Variants in KCNIP4 observed in about 807,000 individuals in gnomAD.
The protein encoded by KCNIP4 is potassium voltage-gated channel interacting protein 4.
Under a neutral mutation model 34.0 loss-of-function variants are expected in KCNIP4, and 12 were observed. The ratio of observed to expected loss-of-function variants is 0.35; its 90% CI spans 0.23 to 0.57. The LOEUF is 0.57. KCNIP4 is among the 20% of genes least tolerant of loss of function. The pLI is 0.83. For missense variants in KCNIP4, 238 were observed against 311.7 expected, an observed-to-expected ratio of 0.76 and a Z score of 1.78; for synonymous variants, 124 against 102.2, an observed-to-expected ratio of 1.21 and a Z score of -1.29.
chr4:21,531,541 AAT>A (rs1036843944), intron 1 of KCNIP4, among the ~76,000 whole-genome samples: 2 of 151,740 alleles, frequency 1.3e-5, no homozygotes, highest in African/African-American at 4.8e-5. Context: ...ATGCCTGGCT[AAT>A]TTTTGTATTT....
chr4:21,102,385 T>C (rs181090173), intron 1 of KCNIP4, among the ~76,000 whole-genome samples: 55 of 152,258 alleles, frequency 3.6e-4, no homozygotes, highest in Middle Eastern at 3.4e-3. Context: ...CAATGGGGCA[T>C]TGGCTGTGAG....
intron 1 of KCNIP4, among the ~76,000 whole-genome samples, chr4:21,479,353 T>A (rs1010639958): frequency 6.6e-6 from 1 of 152,230 alleles, no homozygotes; most frequent in Admixed American, 6.5e-5. Context: ...ACTGGCCATT[T>A]ATTTGCATAA....
intron 1 of KCNIP4, among the ~76,000 whole-genome samples, chr4:21,196,519 A>C (rs1174064428): frequency 6.6e-6 from 1 of 152,124 alleles, no homozygotes; most frequent in Non-Finnish European, 1.5e-5. Context: ...CTTACTTTCG[A>C]GGATATCTTC....
At chr4:21,716,258 A>G (rs1714368819) in intron 1 of KCNIP4, among the ~76,000 whole-genome samples, 1 of 151,944 alleles carries the variant, frequency 6.6e-6, no homozygotes, top group South Asian at 2.1e-4. Flanking sequence ...TATTTTTGAG[A>G]TAGAGTCTTG....
chr4:20,971,347 A>G (rs1577461253), intron 1 of KCNIP4, among the ~76,000 whole-genome samples: 1 of 152,198 alleles, frequency 6.6e-6, no homozygotes, highest in Non-Finnish European at 1.5e-5. Flanking sequence ...AAGGACAAGT[A>G]TATTGATTTA....
chr4:21,226,161 C>T (rs1053885539), intron 1 of KCNIP4, among the ~76,000 whole-genome samples: 2 of 144,860 alleles, frequency 1.4e-5, no homozygotes, highest in African/African-American at 2.5e-5. Flanking sequence ...AATTCAGTAT[C>T]TTCATTTTGG....
intron 1 of KCNIP4, among the ~76,000 whole-genome samples, chr4:20,949,432 T>C (rs908583399): frequency 2.6e-5 from 4 of 152,170 alleles, no homozygotes; most frequent in African/African-American, 9.7e-5. Context: ...AGTTCAACCA[T>C]TGTGGAAGTC....
intron 1 of KCNIP4, among the ~76,000 whole-genome samples, chr4:21,668,504 A>G (rs1047758189): frequency 6.6e-6 from 1 of 152,216 alleles, no homozygotes; most frequent in Non-Finnish European, 1.5e-5. Context: ...TAAAACTGAA[A>G]TTAGAACTAA....
chr4:21,533,087 C>G (rs929487054), intron 1 of KCNIP4, among the ~76,000 whole-genome samples: 4 of 151,456 alleles, frequency 2.6e-5, no homozygotes, highest in African/African-American at 9.7e-5. Flanking sequence ...CTATATAGTA[C>G]CTGCTTCCAA....
chr4:20,935,479 A>G (rs1468304780), intron 1 of KCNIP4, among the ~76,000 whole-genome samples: 7 of 152,174 alleles, frequency 4.6e-5, no homozygotes, highest in Admixed American at 2.0e-4. Flanking sequence ...CCTACCTCTT[A>G]GAAATGTATC....
At chr4:21,550,780 G>T (rs965394190) in intron 1 of KCNIP4, among the ~76,000 whole-genome samples, 3 of 152,028 alleles carry the variant, frequency 2.0e-5, no homozygotes, top group Non-Finnish European at 2.9e-5. Context: ...CTTGAAGAAA[G>T]AAATTTTGTG....
chr4:20,953,634 A>T (rs1410736289), intron 1 of KCNIP4, among the ~76,000 whole-genome samples: 3 of 152,184 alleles, frequency 2.0e-5, no homozygotes, highest in South Asian at 2.1e-4. Flanking sequence ...GGGAGCTGAG[A>T]TCGCACTCCA....
chr4:21,550,990 T>C (rs1738537343), intron 1 of KCNIP4, among the ~76,000 whole-genome samples: 1 of 152,030 alleles, frequency 6.6e-6, no homozygotes, highest in Non-Finnish European at 1.5e-5. Flanking sequence ...CATATTCAGA[T>C]AGTTTGTAAT....
chr4:20,969,511 A>T (rs1160516566), intron 1 of KCNIP4, among the ~76,000 whole-genome samples: 1 of 151,972 alleles, frequency 6.6e-6, no homozygotes, highest in Admixed American at 6.6e-5. Flanking sequence ...TGGGACAGGT[A>T]AATTTGTGTG....
Position 20,831,911 on chromosome 4 carries a change from C to T in KCNIP4, c.288+18632G>A, listed in dbSNP as rs1718473873. Among the ~76,000 whole-genome samples the T allele has an allele frequency of 1.3e-5, 2 of 152,180 alleles. 1 individual carries two copies. The highest frequency in any genetic ancestry group is 1.3e-4 in the Admixed American group (2 of 15,270). The stretch of plus-strand genomic sequence containing the variant: ...ATAGTTCCATGAAGAATATGATTGC[C>T]TATCCCCATCCCACTTTCAACCACT... On this transcript the variant is annotated intron_variant, in intron 3 of 8. Transcript: ENST00000382152.
At chr4:21,391,976 G>A (rs1722600900) in intron 1 of KCNIP4, among the ~76,000 whole-genome samples, 1 of 152,142 alleles carries the variant, frequency 6.6e-6, no homozygotes, top group Non-Finnish European at 1.5e-5. Context: ...AACTGTCTGA[G>A]CCCAGGGATA....
chr4:21,320,140 T>C (rs1339822202), intron 1 of KCNIP4, among the ~76,000 whole-genome samples: 1 of 152,206 alleles, frequency 6.6e-6, no homozygotes, highest in Non-Finnish European at 1.5e-5. Flanking sequence ...TGAAACAGAT[T>C]ACACATTAAA....
chr4:21,185,463 C>T (rs1577851092), intron 1 of KCNIP4, among the ~76,000 whole-genome samples: 1 of 151,664 alleles, frequency 6.6e-6, no homozygotes, highest in African/African-American at 2.4e-5. Flanking sequence ...CCCTTTTCTT[C>T]TTCTTCTTCC....
intron 1 of KCNIP4, among the ~76,000 whole-genome samples, chr4:21,045,378 T>C (rs760814590): frequency 6.6e-6 from 1 of 152,248 alleles, no homozygotes; most frequent in Non-Finnish European, 1.5e-5. Flanking sequence ...TGCTGGTGCA[T>C]GGACCACACT....
Sources: allele counts gnomAD v4.1 joint callset (sites outside exome capture counted in the v4.1 genomes callset), GRCh38; gene constraint gnomAD v4.1.1; transcripts MANE v1.5; gene names NCBI Gene and HGNC (gene_info 2026-07-23, HGNC 2026-07-21).